The following COL22A1 variants were observed in gnomAD, a reference collection of about 807,000 sequenced individuals.
COL22A1 encodes collagen alpha-1(XXII) chain.
Under a neutral mutation model 248.9 loss-of-function variants are expected in COL22A1, and 221 were observed. That is an observed-to-expected ratio of 0.89 (90% CI 0.80 to 0.99). COL22A1 has a LOEUF of 0.99. Ranked by LOEUF, COL22A1 falls within the 50% of genes least tolerant of loss-of-function variation. The pLI, the probability that COL22A1 is intolerant of heterozygous loss-of-function variation, is 0.00. For synonymous variants in COL22A1, 891 were observed against 793.4 expected (o/e 1.12, Z -2.07); for missense variants, 2,240 against 2,179.0 (o/e 1.03, Z -0.56).
chr8:138,771,865 G>T (rs1834395875), intron 16 of COL22A1, among the ~76,000 whole-genome samples: 1 of 152,180 alleles, frequency 6.6e-6, no homozygotes, highest in Admixed American at 6.5e-5. Flanking sequence ...AGAGCTCTTT[G>T]CTTCTCTGGG....
intron 38 of COL22A1, 38 bp downstream of exon 38, chr8:138,685,170 G>T: frequency 7.4e-7 from 1 of 1,349,044 alleles, no homozygotes; most frequent in Non-Finnish European, 1.0e-6. Flanking sequence ...TTTTCACCTG[G>T]TTTCTACAGG....
At position 138,594,295 on chromosome 8, in the gene COL22A1, TAATA is replaced by T. The variant is rs1186529746; in HGVS notation, c.4433-100_4433-97del. The T allele has an allele frequency of 1.6e-3, 1,736 of 1,070,976 alleles. 82 individuals are homozygous for T. Among genetic ancestry groups the T allele is most frequent in the South Asian group, 2.0e-3 (125 of 61,838 alleles). The allele number at this position is 1,070,976 out of a possible 1,614,324, so 66.3% of individuals were successfully genotyped here. On this transcript the variant is annotated intron_variant, in intron 62 of 64. Transcript: ENST00000303045. ...TGACAACTCAGAACCAGGGGGCCGA[TAATA>T]GCTGCAGAAACGGACATAGGACAGG... is the stretch of plus-strand genomic sequence containing the variant.
intron 4 of COL22A1, among the ~76,000 whole-genome samples, chr8:138,837,333 C>A (rs1222862043): frequency 1.3e-5 from 2 of 152,190 alleles, no homozygotes; most frequent in Admixed American, 6.5e-5. Flanking sequence ...CCTGGGGAGT[C>A]CCCGAGAGAT....
chr8:138,690,795 G>A (rs1826783715), intron 36 of COL22A1, 26 bp downstream of exon 36: 1 of 1,594,578 alleles, frequency 6.3e-7, no homozygotes, highest in Non-Finnish European at 8.6e-7. Flanking sequence ...GCTGGGCCGT[G>A]CGTATGCCCT....
At position 138,626,318 on chromosome 8, in the gene COL22A1, C is replaced by T. The variant is rs1381210113; in HGVS notation, c.3664-75G>A. 6.8e-6 allele frequency: 8 copies of T among 1,177,504 alleles called. No individual in the cohort carries two copies. The East Asian group carries it at 1.4e-4, about 21-fold the overall frequency. 72.9% of individuals were successfully genotyped at this position (1,177,504 alleles called of 1,614,324 possible). On this transcript the variant is annotated intron_variant, in intron 50 of 64. Coordinates refer to ENST00000303045, the MANE Select transcript of COL22A1 (RefSeq NM_152888.3). ...TGGAAGTAAATGACTTCACAAGGAA[C>T]TGCATTCATGGGTTGGGGGAGTGAG...
At chr8:138,649,252 C>A (rs1822480518) in intron 46 of COL22A1, among the ~76,000 whole-genome samples, 1 of 152,094 alleles carries the variant, frequency 6.6e-6, no homozygotes, top group Non-Finnish European at 1.5e-5. Context: ...CAGGTAATGA[C>A]AAGGGATTGA....
intron 5 of COL22A1, among the ~76,000 whole-genome samples, chr8:138,832,764 C>T (rs1043971157): frequency 6.6e-6 from 1 of 152,214 alleles, no homozygotes; most frequent in African/African-American, 2.4e-5. Flanking sequence ...GACAGAAAAA[C>T]ACATGTATGA....
chr8:138,698,438 T>G (rs1378843315), intron 32 of COL22A1, among the ~76,000 whole-genome samples: 2 of 152,204 alleles, frequency 1.3e-5, no homozygotes, highest in Non-Finnish European at 2.9e-5. Flanking sequence ...CTCAAGGCTG[T>G]TAGGAGGCTT....
chr8:138,745,672 A>T (rs1440041452), intron 22 of COL22A1, among the ~76,000 whole-genome samples: 3 of 152,210 alleles, frequency 2.0e-5, no homozygotes, highest in Non-Finnish European at 4.4e-5. Flanking sequence ...CAGAAAATTA[A>T]AATGGGATGG....
chr8:138,738,255 A>G (rs762141424), intron 22 of COL22A1, among the ~76,000 whole-genome samples: 2 of 152,250 alleles, frequency 1.3e-5, no homozygotes, highest in Non-Finnish European at 2.9e-5. Flanking sequence ...TTCAGTGCAT[A>G]CATGTTCAGT....
intron 30 of COL22A1, 118 bp from the exon 31 acceptor site, chr8:138,703,465 G>T: frequency 1.2e-6 from 1 of 815,068 alleles, no homozygotes; most frequent in Admixed American, 2.2e-5. Flanking sequence ...CTTCTGCAGG[G>T]TGCAGGTAGG....
intron 55 of COL22A1, among the ~76,000 whole-genome samples, 176 bp downstream of exon 55, chr8:138,615,825 C>G (rs1019734460): frequency 2.6e-5 from 4 of 152,170 alleles, no homozygotes; most frequent in African/African-American, 9.7e-5. Flanking sequence ...AGCCCAGGGA[C>G]CCACCCACTA....
At chr8:138,661,068 A>G (rs1823909883) in intron 43 of COL22A1, among the ~76,000 whole-genome samples, 1 of 136,174 alleles carries the variant, frequency 7.3e-6, no homozygotes, top group East Asian at 2.2e-4. Context: ...ACACACCCAC[A>G]TACACATACA....
rs1275390803 is a variant in COL22A1 at position 138,722,128 on chromosome 8, C to T, written c.2248-39G>A. On this transcript the variant is annotated intron_variant, in intron 25 of 64. Coordinates refer to ENST00000303045, the MANE Select transcript of COL22A1 (RefSeq NM_152888.3). The stretch of plus-strand genomic sequence containing the variant: ...GGAAAACATAAATAAAAAGGAAAGG[C>T]ATATTTAGGAAAGGCTTACATTAAG... 4 of 1,522,640 alleles carry T rather than the reference C, an allele frequency of 2.6e-6. No homozygotes were observed. The East Asian group carries it at 9.5e-5, about 36-fold the overall frequency. The allele number at this position is 1,522,640 out of a possible 1,614,324, so 94.3% of individuals were successfully genotyped here. A position where few individuals can be genotyped will look rare whatever the true frequency, so the allele number is the denominator to read the frequency against.
At chr8:138,797,436 T>C (rs76389999) in intron 11 of COL22A1, among the ~76,000 whole-genome samples, 2 of 152,312 alleles carry the variant, frequency 1.3e-5, no homozygotes, top group East Asian at 3.9e-4. Context: ...AAGTACTTCA[T>C]TTTATTGCAA....
chr8:138,684,148 C>T (rs1314027585), intron 39 of COL22A1, among the ~76,000 whole-genome samples: 3 of 151,862 alleles, frequency 2.0e-5, no homozygotes, highest in Non-Finnish European at 4.4e-5. Flanking sequence ...CCTGTAGTCC[C>T]AGCTACTCTG....
intron 12 of COL22A1, among the ~76,000 whole-genome samples, chr8:138,792,383 G>A (rs1816139385): frequency 6.6e-6 from 1 of 152,200 alleles, no homozygotes; most frequent in African/African-American, 2.4e-5. Context: ...CTGAGACACT[G>A]GAGATCTGCC....
intron 3 of COL22A1, among the ~76,000 whole-genome samples, chr8:138,850,101 C>T (rs965852516): frequency 2.0e-5 from 3 of 152,170 alleles, no homozygotes; most frequent in African/African-American, 7.2e-5. Context: ...AAGATGAAGA[C>T]AACTCAGGGT....
At chr8:138,706,361 T>A (rs542184826) in intron 30 of COL22A1, among the ~76,000 whole-genome samples, 20 of 152,288 alleles carry the variant, frequency 1.3e-4, no homozygotes, top group Non-Finnish European at 2.6e-4. Flanking sequence ...ATCTCATTCA[T>A]TCCAAAATTG....
Sources: gnomAD v4.1 joint callset for allele counts (sites outside exome capture counted in the v4.1 genomes callset) on GRCh38, gnomAD v4.1.1 for gene constraint, MANE v1.5 for transcripts, NCBI Gene and HGNC (gene_info 2026-07-23, HGNC 2026-07-21) for gene names.